The following ANK3 variants were observed in gnomAD, a reference collection of about 807,000 sequenced individuals.
ANK3 encodes ankyrin-3.
ANK3 carries 57 observed loss-of-function variants against 370.9 expected under a neutral mutation model. That is an observed-to-expected ratio of 0.15 (90% CI 0.12 to 0.19). The LOEUF (loss-of-function observed/expected upper bound fraction) is 0.19. ANK3 is among the 10% of genes least tolerant of loss of function. ANK3 has a pLI of 1.00. For missense variants in ANK3, 4,439 were observed against 5,302.1 expected (o/e 0.84, Z 5.06); for synonymous variants, 1,929 against 1,946.3 (o/e 0.99, Z 0.23).
At chr10:60,280,254 C>G (rs1174014909) in intron 1 of ANK3, among the ~76,000 whole-genome samples, 1 of 152,050 alleles carries the variant, frequency 6.6e-6, no homozygotes, top group Non-Finnish European at 1.5e-5. Flanking sequence ...GAGACGGGGT[C>G]TCACTATGTT....
chr10:60,487,304 A>G (rs1037099197), intron 2 of ANK3, among the ~76,000 whole-genome samples: 2 of 152,228 alleles, frequency 1.3e-5, no homozygotes, highest in Non-Finnish European at 2.9e-5. Flanking sequence ...AACTACGCAA[A>G]GAAGAAAAGT....
At chr10:60,113,728 A>C (rs774575920) in intron 26 of ANK3, among the ~76,000 whole-genome samples, 1 of 152,140 alleles carries the variant, frequency 6.6e-6, no homozygotes, top group Non-Finnish European at 1.5e-5. Context: ...AACAAAAACA[A>C]CTACTAAATA....
At chr10:60,527,371 T>C (rs1261686059) in intron 2 of ANK3, among the ~76,000 whole-genome samples, 4 of 152,144 alleles carry the variant, frequency 2.6e-5, no homozygotes, top group African/African-American at 4.8e-5. Context: ...AGAAGTCTTT[T>C]GTTTTTAGTA....
chr10:60,132,883 T>C (rs1245607941), intron 25 of ANK3, among the ~76,000 whole-genome samples: 2 of 152,212 alleles, frequency 1.3e-5, no homozygotes, highest in South Asian at 2.1e-4. Flanking sequence ...TCCAAAGTGC[T>C]GGGATTACAG....
intron 17 of ANK3, 97 bp from the exon 18 acceptor site, chr10:60,181,524 C>A: frequency 8.7e-7 from 1 of 1,151,472 alleles, no homozygotes; most frequent in Non-Finnish European, 1.3e-6. Flanking sequence ...AGATGGTAAG[C>A]CGAGAATTTC....
rs1479167179 is a variant in ANK3, at chr10:60,469,479, ATGGTGG to A, written c.96+145701_96+145706del. Among the ~76,000 whole-genome samples, 3 of 11,556 alleles carry A rather than the reference ATGGTGG, an allele frequency of 2.6e-4. 1 individual carries two copies. The highest frequency in any genetic ancestry group is 5.5e-4 in the African/African-American group (3 of 5,466). The allele number at this position is 11,556 out of a possible 152,430, so 7.6% of individuals were successfully genotyped here. ...TATATGGTGGTATATATATATATAT[ATGGTGG>A]TATATATATATATATATGGTGGTAT... is the stretch of plus-strand genomic sequence containing the variant. On this transcript the variant is annotated intron_variant, in intron 2 of 43. Coordinates refer to the ANK3 transcript ENST00000373827.
At chr10:60,267,319 G>T (rs951828937) in intron 5 of ANK3, among the ~76,000 whole-genome samples, 3 of 152,042 alleles carry the variant, frequency 2.0e-5, no homozygotes, top group Admixed American at 1.3e-4. Flanking sequence ...TCCTGTTGTT[G>T]TTCTTATTCT....
intron 2 of ANK3, among the ~76,000 whole-genome samples, chr10:60,571,802 A>G (rs530769675): frequency 1.3e-5 from 2 of 152,340 alleles, no homozygotes; most frequent in South Asian, 2.1e-4. Context: ...AGATATACAC[A>G]TTCAAGAAAA....
intron 2 of ANK3, among the ~76,000 whole-genome samples, chr10:60,487,370 C>T (rs1177546077): frequency 6.6e-6 from 1 of 152,064 alleles, no homozygotes; most frequent in African/African-American, 2.4e-5. Flanking sequence ...CCACGTTGGC[C>T]CCAATCTTCA....
At chr10:60,085,062 C>T (rs1266152110) in intron 31 of ANK3, 95 bp downstream of exon 31, 11 of 1,039,906 alleles carry the variant, frequency 1.1e-5, no homozygotes, top group South Asian at 8.9e-5. Context: ...TTTCTCACAA[C>T]AATTTTTTTT....
At chr10:60,382,892 C>G (rs2061740096) in intron 1 of ANK3, among the ~76,000 whole-genome samples, 1 of 150,126 alleles carries the variant, frequency 6.7e-6, no homozygotes, top group Non-Finnish European at 1.5e-5. Flanking sequence ...CAGAAGTACA[C>G]TAAGTATAAA....
At chr10:60,388,962 ACAGATCT>A (rs2062809407) in intron 1 of ANK3, among the ~76,000 whole-genome samples, 1 of 152,226 alleles carries the variant, frequency 6.6e-6, no homozygotes, top group Admixed American at 6.5e-5. Context: ...CTCTAAGGTC[ACAGATCT>A]GCCTGGGAAA....
intron 2 of ANK3, among the ~76,000 whole-genome samples, chr10:60,528,137 C>CTTTTT (rs10677013): frequency 3.6e-5 from 4 of 111,054 alleles, no homozygotes; most frequent in Non-Finnish European, 7.3e-5. Context: ...TCTTCTTCTT[C>CTTTTT]TTTTTTTTTT....
chr10:60,108,752 T>A (rs2092439232), intron 27 of ANK3, 78 bp downstream of exon 27: 2 of 1,239,338 alleles, frequency 1.6e-6, no homozygotes, highest in Non-Finnish European at 2.3e-6. Context: ...TTAAGAGTTA[T>A]CTCCTTGAGT....
chr10:60,154,121 G>T lies in ANK3; in HGVS notation c.2614+12470C>A, dbSNP rs185690628. On this transcript the variant is annotated intron_variant, in intron 23 of 43. Coordinates refer to ENST00000280772, the MANE Select transcript of ANK3 (RefSeq NM_020987.5). ...GAGATACAAGCAATTATGTAACATC[G>T]ATTTGAAAGGCCAATTGTAAGCAGA... 1.1e-3 allele frequency among the ~76,000 whole-genome samples: 166 copies of T among 152,240 alleles called. 2 individuals carry two copies. The highest frequency in any genetic ancestry group is 3.6e-3 in the African/African-American group (150 of 41,552).
At chr10:60,270,412 T>C (rs1336181692) in intron 4 of ANK3, among the ~76,000 whole-genome samples, 183 bp from the exon 5 acceptor site, 1 of 152,236 alleles carries the variant, frequency 6.6e-6, no homozygotes, top group Non-Finnish European at 1.5e-5. Flanking sequence ...TCCTGATCTG[T>C]GTAATTCAAA....
intron 1 of ANK3, among the ~76,000 whole-genome samples, chr10:60,290,040 AC>A (rs2040973337): frequency 6.6e-6 from 1 of 152,122 alleles, no homozygotes; most frequent in South Asian, 2.1e-4. Context: ...GATTGTGACC[AC>A]TCAGTTGCCA....
At chr10:60,266,457 T>C (rs917160580) in intron 5 of ANK3, among the ~76,000 whole-genome samples, 5 of 152,316 alleles carry the variant, frequency 3.3e-5, no homozygotes, top group African/African-American at 1.2e-4. Context: ...AATTGTGTTT[T>C]GAGATTTAAT....
At chr10:60,451,293 C>A (rs1004369352) in intron 2 of ANK3, among the ~76,000 whole-genome samples, 5 of 152,190 alleles carry the variant, frequency 3.3e-5, no homozygotes, top group African/African-American at 1.2e-4. Context: ...GTTTAAGCCA[C>A]CCAGTTTGTA....
Sources: gnomAD v4.1 joint callset for allele counts (sites outside exome capture counted in the v4.1 genomes callset) on GRCh38, gnomAD v4.1.1 for gene constraint, MANE v1.5 for transcripts, NCBI Gene and HGNC (gene_info 2026-07-23, HGNC 2026-07-21) for gene names.